Variants in SPSB4 observed in about 807,000 individuals in gnomAD.
SPSB4 encodes the protein SPRY domain-containing SOCS box protein 4.
In SPSB4, 21 loss-of-function variants were observed where a neutral mutation model predicts 20.9. The observed-to-expected ratio is 1.01, with a 90% CI of 0.71 to 1.45. SPSB4 has a LOEUF of 1.45. Ranked by LOEUF, SPSB4 falls within the 40% of genes most tolerant of loss-of-function variation. The pLI is 0.00. For missense variants in SPSB4, 399 were observed against 399.2 expected, an observed-to-expected ratio of 1.00 and a Z score of 0.00; for synonymous variants, 207 against 183.8, an observed-to-expected ratio of 1.13 and a Z score of -1.02.
Position 141,107,906 on chromosome 3 carries a change from G to C in SPSB4, c.695-39236G>C, listed in dbSNP as rs139613819. Among the ~76,000 whole-genome samples, 1,477 of 151,188 alleles carry C rather than the reference G, an allele frequency of 9.8e-3. 29 individuals are homozygous for C. Among genetic ancestry groups the C allele is most frequent in the African/African-American group, 0.034 (1,418 of 41,138 alleles). On this transcript the variant is annotated intron_variant, in intron 2 of 2. Coordinates refer to ENST00000310546, the MANE Select transcript of SPSB4 (RefSeq NM_080862.3). ...GGAGGTGGAGGTTGCAGTGAACCGA[G>C]ATCACACCACTGCACTCCAGCCTGG...
intron 2 of SPSB4, among the ~76,000 whole-genome samples, chr3:141,141,462 C>T (rs1457531871): frequency 6.6e-6 from 1 of 152,194 alleles, no homozygotes; most frequent in Non-Finnish European, 1.5e-5. Context: ...CCTATTCGGC[C>T]ATCTTGGCTC....
intron 2 of SPSB4, among the ~76,000 whole-genome samples, chr3:141,103,602 T>A (rs1455907729): frequency 1.3e-5 from 2 of 152,020 alleles, no homozygotes; most frequent in Non-Finnish European, 2.9e-5. Context: ...TGCCTCCCAT[T>A]CCCTCCGCAC....
At chr3:141,137,283 C>G (rs879916086) in intron 2 of SPSB4, among the ~76,000 whole-genome samples, 15 of 152,192 alleles carry the variant, frequency 9.9e-5, no homozygotes, top group Non-Finnish European at 1.9e-4. Flanking sequence ...ATGTCATCTG[C>G]AAACAGGGAC....
chr3:141,136,808 G>T (rs1214489537), intron 2 of SPSB4, among the ~76,000 whole-genome samples: 1 of 152,208 alleles, frequency 6.6e-6, no homozygotes, highest in Non-Finnish European at 1.5e-5. Context: ...GCTTAGGATT[G>T]ACTTGGCGAT....
chr3:141,101,881 G>A (rs1311768103), intron 2 of SPSB4, among the ~76,000 whole-genome samples: 3 of 152,204 alleles, frequency 2.0e-5, no homozygotes, highest in African/African-American at 4.8e-5. Context: ...AGACTTGTAG[G>A]TTTCCCTGAA....
chr3:141,065,241 T>C (rs976311671), intron 1 of SPSB4, among the ~76,000 whole-genome samples: 1 of 152,168 alleles, frequency 6.6e-6, no homozygotes, highest in Non-Finnish European at 1.5e-5. Context: ...CTCACCTCTA[T>C]TGACCTCCAT....
At chr3:141,134,780 G>A (rs765119591) in intron 2 of SPSB4, among the ~76,000 whole-genome samples, 1 of 151,384 alleles carries the variant, frequency 6.6e-6, no homozygotes, top group Non-Finnish European at 1.5e-5. Context: ...TGTAGTTTTC[G>A]TTTTTTGTTA....
chr3:141,131,001 T>C (rs767763637), intron 2 of SPSB4, among the ~76,000 whole-genome samples: 3 of 152,246 alleles, frequency 2.0e-5, no homozygotes, highest in Non-Finnish European at 4.4e-5. Context: ...GATGATGTAC[T>C]GAGGCATTTG....
At position 141,096,482 on chromosome 3, in the gene SPSB4, C is replaced by T. The variant is rs1245382866; in HGVS notation, c.694+29684C>T. ...GCCAGGACAGCTCTCCCTGTCCTGC[C>T]AGCTGGATTGATTTCCAAGGCCTAA... On this transcript the variant is annotated intron_variant, in intron 2 of 2. Transcript: ENST00000310546. Among the ~76,000 whole-genome samples, 3 of 152,174 alleles carry T rather than the reference C, an allele frequency of 2.0e-5. No homozygotes were observed. In the East Asian group the frequency reaches 5.8e-4, roughly 29 times the overall value.
At chr3:141,094,078 G>A (rs1938507360) in intron 2 of SPSB4, among the ~76,000 whole-genome samples, 1 of 152,230 alleles carries the variant, frequency 6.6e-6, no homozygotes, top group South Asian at 2.1e-4. Flanking sequence ...AGCCAGGCGT[G>A]CTTGCTGTAT....
chr3:141,066,592 C>A lies in SPSB4; in HGVS notation c.488C>A (p.Ala163Asp). 1 of 1,572,480 alleles carries A rather than the reference C, an allele frequency of 6.4e-7. No individual in the cohort carries two copies. The change falls in exon 2 of 3, where the codon GCC (alanine) becomes GAC (aspartate). Residue 163 changes from alanine to aspartate, a missense_variant. By Grantham distance (126) the Ala-to-Asp change is moderately radical. Transcript: ENST00000310546. ...AACCAGCCCGGCGTGGCCTACCCGGCCTTTCTGGGGCCCGACGAGGCCTTT... is the reference window on the plus strand; with the variant it reads ...AACCAGCCCGGCGTGGCCTACCCGGACTTTCTGGGGCCCGACGAGGCCTTT... Reference protein sequence around the residue: ...GKNQPGVAYPAFLGPDEAFAL... With the variant: ...GKNQPGVAYPDFLGPDEAFAL...
chr3:141,092,105 C>A (rs1394341145), intron 2 of SPSB4, among the ~76,000 whole-genome samples: 2 of 152,182 alleles, frequency 1.3e-5, no homozygotes, highest in Admixed American at 1.3e-4. Flanking sequence ...AGCAGAATGT[C>A]AGTTTTGAAT....
intron 2 of SPSB4, among the ~76,000 whole-genome samples, chr3:141,088,042 A>G (rs1938383267): frequency 6.6e-6 from 1 of 152,270 alleles, no homozygotes; most frequent in Admixed American, 6.5e-5. Flanking sequence ...CATCAGGGTG[A>G]TAACTCCGCA....
intron 2 of SPSB4, among the ~76,000 whole-genome samples, chr3:141,146,752 C>T (rs577313515): frequency 5.4e-5 from 8 of 147,920 alleles, no homozygotes; most frequent in Admixed American, 3.4e-4. Context: ...CCAGCCTGGG[C>T]GACAGAGCAA....
chr3:141,064,094 A>C (rs2107777629), intron 1 of SPSB4, among the ~76,000 whole-genome samples: 1 of 152,234 alleles, frequency 6.6e-6, no homozygotes, highest in South Asian at 2.1e-4. Context: ...ATTTTTTCTG[A>C]TAAGGGATCA....
chr3:141,055,811 G>A (rs1559836205), intron 1 of SPSB4, among the ~76,000 whole-genome samples: 1 of 152,214 alleles, frequency 6.6e-6, no homozygotes, highest in Admixed American at 6.5e-5. Flanking sequence ...GAGAGTGTGG[G>A]TGTGCCCATG....
At chr3:141,133,048 T>C (rs1939162629) in intron 2 of SPSB4, among the ~76,000 whole-genome samples, 1 of 152,204 alleles carries the variant, frequency 6.6e-6, no homozygotes, top group South Asian at 2.1e-4. Context: ...TGCATTTCCC[T>C]GATAATTAGT....
At chr3:141,058,408 C>T (rs7642476) in intron 1 of SPSB4, among the ~76,000 whole-genome samples, 1,699 of 152,272 alleles carry the variant, frequency 0.011, 33 homozygotes, top group African/African-American at 0.039. Context: ...CATTAAGCAT[C>T]CCCATCCAAG....
chr3:141,075,118 C>CTGAGTCCGT (rs1553738394), intron 2 of SPSB4, among the ~76,000 whole-genome samples: 1 of 151,244 alleles, frequency 6.6e-6, no homozygotes, highest in African/African-American at 2.4e-5. Context: ...AGTGAGAATT[C>CTGAGTCCGT]AATGCAGTTT....
Sources: gnomAD v4.1 joint callset for allele counts (sites outside exome capture counted in the v4.1 genomes callset) on GRCh38, gnomAD v4.1.1 for gene constraint, MANE v1.5 for transcripts, NCBI Gene and HGNC (gene_info 2026-07-23, HGNC 2026-07-21) for gene names.